The following PTPN1 variants were observed in gnomAD, a reference collection of about 807,000 sequenced individuals.
The protein encoded by PTPN1 is protein tyrosine phosphatase non-receptor type 1, also known as tyrosine-protein phosphatase non-receptor type 1.
In PTPN1, 12 loss-of-function variants were observed where a neutral mutation model predicts 59.9. The ratio of observed to expected loss-of-function variants is 0.20; its 90% CI spans 0.13 to 0.32. The LOEUF (loss-of-function observed/expected upper bound fraction) is 0.32. Ranked by LOEUF, PTPN1 falls within the 10% of genes least tolerant of loss-of-function variation. The pLI, the probability that PTPN1 is intolerant of heterozygous loss-of-function variation, is 1.00. For missense variants in PTPN1, 356 were observed against 549.2 expected (o/e 0.65, Z 3.52); for synonymous variants, 178 against 203.6 (o/e 0.87, Z 1.07).
chr20:50,562,786 C>T (rs2082759186), intron 2 of PTPN1, among the ~76,000 whole-genome samples: 1 of 152,172 alleles, frequency 6.6e-6, no homozygotes. Context: ...TGGCCAGAAA[C>T]CTCCAGACCG....
At chr20:50,574,365 T>A in intron 4 of PTPN1, 152 bp from the exon 5 acceptor site, 2 of 686,070 alleles carry the variant, frequency 2.9e-6, no homozygotes, top group Non-Finnish European at 4.5e-6. Context: ...CATCTCCCCA[T>A]GAGGCAGGCA....
chr20:50,547,412 A>G (rs556972307), intron 1 of PTPN1, among the ~76,000 whole-genome samples: 1 of 151,780 alleles, frequency 6.6e-6, no homozygotes, highest in Admixed American at 6.6e-5. Context: ...CACCCAGGCT[A>G]GAGTGCAATG....
In PTPN1 at chr20:50,546,673, C is replaced by CA. The variant is rs142502407; in HGVS notation, c.64-14689dup. ...TTTGATGTTCTATTTTCCTCCCATT[C>CA]ACACTCCAAATTGTGCACCAAAGTA... On this transcript the variant is annotated intron_variant, in intron 1 of 9. Coordinates refer to ENST00000371621, the MANE Select transcript of PTPN1 (RefSeq NM_002827.4). 9.6e-3 allele frequency among the ~76,000 whole-genome samples: 1,463 copies of CA among 152,336 alleles called. 28 individuals carry two copies. Among genetic ancestry groups the CA allele is most frequent in the African/African-American group, 0.033 (1,359 of 41,558 alleles).
At chr20:50,579,417 C>A in intron 7 of PTPN1, 88 bp downstream of exon 7, 2 of 1,419,844 alleles carry the variant, frequency 1.4e-6, no homozygotes, top group Non-Finnish European at 1.9e-6. Context: ...AGTTCAAACA[C>A]CGTCTGGTGT....
intron 1 of PTPN1, among the ~76,000 whole-genome samples, chr20:50,520,516 A>G (rs940028139): frequency 6.6e-6 from 1 of 152,188 alleles, no homozygotes; most frequent in Non-Finnish European, 1.5e-5. Flanking sequence ...GAGGATTTGT[A>G]AAAGATTATG....
Position 50,531,469 on chromosome 20 carries a change from C to T in PTPN1, c.63+20879C>T, listed in dbSNP as rs957926200. Reference sequence around the variant, plus strand: ...TCAGCTCACTGCAACCTCCGCCTCCCGAGTTCAAGCTATTCTCCTGCCTCA... The same window carrying T: ...TCAGCTCACTGCAACCTCCGCCTCCTGAGTTCAAGCTATTCTCCTGCCTCA... On this transcript the variant is annotated intron_variant, in intron 1 of 9. Transcript: ENST00000371621. 2.8e-4 allele frequency among the ~76,000 whole-genome samples: 42 copies of T among 152,180 alleles called. No homozygotes were observed. In the Middle Eastern group the frequency reaches 0.01, roughly 37 times the overall value.
At chr20:50,512,726 G>A (rs1274098726) in intron 1 of PTPN1, among the ~76,000 whole-genome samples, 1 of 152,126 alleles carries the variant, frequency 6.6e-6, no homozygotes, top group Non-Finnish European at 1.5e-5. Context: ...GTAGCTCTTT[G>A]TCATACAACT....
At chr20:50,570,074 G>A (rs1003404291) in intron 4 of PTPN1, among the ~76,000 whole-genome samples, 34 of 152,348 alleles carry the variant, frequency 2.2e-4, no homozygotes, top group African/African-American at 7.7e-4. Context: ...AGAAGAAGGT[G>A]AGGGCTCCAG....
intron 1 of PTPN1, among the ~76,000 whole-genome samples, chr20:50,514,802 T>C (rs2082521983): frequency 1.3e-5 from 2 of 152,154 alleles, no homozygotes; most frequent in South Asian, 4.1e-4. Flanking sequence ...TTCAGGAAAA[T>C]TGGAATTCTA....
intron 1 of PTPN1, among the ~76,000 whole-genome samples, chr20:50,527,311 G>A (rs544130356): frequency 6.6e-6 from 1 of 152,200 alleles, no homozygotes; most frequent in East Asian, 1.9e-4. Context: ...TATCTTCCAG[G>A]GAAGTGAGGC....
intron 1 of PTPN1, among the ~76,000 whole-genome samples, chr20:50,551,950 A>G (rs964287773): frequency 6.6e-6 from 1 of 152,206 alleles, no homozygotes; most frequent in African/African-American, 2.4e-5. Context: ...AATTTTACAC[A>G]TTCAGTAGAT....
intron 1 of PTPN1, among the ~76,000 whole-genome samples, 173 bp downstream of exon 1, chr20:50,510,763 G>A (rs1246202842): frequency 6.6e-6 from 1 of 151,648 alleles, no homozygotes; most frequent in Non-Finnish European, 1.5e-5. Flanking sequence ...TCCCCGGGGC[G>A]GGCGTGTTTC....
chr20:50,544,779 C>T (rs6096001), intron 1 of PTPN1, among the ~76,000 whole-genome samples: 4,316 of 152,054 alleles, frequency 0.028, 183 homozygotes, highest in African/African-American at 0.099. Flanking sequence ...CTGAGGTGGG[C>T]GGATCACCTG....
intron 1 of PTPN1, among the ~76,000 whole-genome samples, chr20:50,526,482 C>T (rs908660867): frequency 4.6e-5 from 7 of 152,134 alleles, no homozygotes; most frequent in Non-Finnish European, 7.3e-5. Flanking sequence ...TCACCCCTGG[C>T]CCATGTCAGT....
intron 3 of PTPN1, among the ~76,000 whole-genome samples, chr20:50,567,697 G>A (rs1226750987): frequency 6.6e-6 from 1 of 152,100 alleles, no homozygotes; most frequent in Non-Finnish European, 1.5e-5. Flanking sequence ...GTTCCCCTTG[G>A]GCCACCTCAT....
chr20:50,579,674 A>G (rs766798911), intron 7 of PTPN1, 29 bp from the exon 8 acceptor site: 1 of 1,588,326 alleles, frequency 6.3e-7, no homozygotes, highest in Non-Finnish European at 8.6e-7. Context: ...GTGAACACTA[A>G]TAGGACTTCC....
rs1170740356 is a variant in PTPN1 at position 50,582,815 on chromosome 20, C to T, written c.*100C>T. 6.8e-7 allele frequency: 1 copy of T among 1,467,610 alleles called. No individual in the cohort carries two copies. Among genetic ancestry groups the T allele is most frequent in the Non-Finnish European group, 9.4e-7 (1 of 1,061,616 alleles). 90.9% of individuals were successfully genotyped at this position (1,467,610 alleles called of 1,614,324 possible). ...GCCGCGGTAGGTAAGGGCCGCCGGA[C>T]CGCGTAGAGAGCCGGGCCCCGGACG... On this transcript the variant is annotated 3_prime_UTR_variant, in exon 10 of 10. Transcript: ENST00000371621. The surrounding 1 kb of genome is among the most constrained non-coding windows in gnomAD (Gnocchi z 4.2).
intron 1 of PTPN1, among the ~76,000 whole-genome samples, chr20:50,553,964 C>T (rs1333859840): frequency 6.6e-6 from 1 of 152,072 alleles, no homozygotes; most frequent in Non-Finnish European, 1.5e-5. Context: ...GGGGGTGCCT[C>T]AGTGACATAT....
Position 50,584,576 on chromosome 20 carries a change from T to C in PTPN1, c.*1861T>C, listed in dbSNP as rs2122815248. On this transcript the variant is annotated 3_prime_UTR_variant, in exon 10 of 10. Transcript: ENST00000371621. The stretch of plus-strand genomic sequence containing the variant: ...AATAAAAACAAAAAAAGCAAGGTGT[T>C]TTGGTATAATACCTTTTCAGGTGTG... 1 of 151,966 alleles carries C rather than the reference T, an allele frequency of 6.6e-6. No individual in the cohort carries two copies. Among genetic ancestry groups the C allele is most frequent in the African/African-American group, 2.4e-5 (1 of 41,260 alleles). The allele number at this position is 151,966 out of a possible 1,614,324, so 9.4% of individuals were successfully genotyped here.
Sources: allele counts gnomAD v4.1 joint callset (sites outside exome capture counted in the v4.1 genomes callset), GRCh38; gene constraint gnomAD v4.1.1; non-coding constraint Gnocchi (gnomAD v3.1); transcripts MANE v1.5; gene names NCBI Gene and HGNC (gene_info 2026-07-23, HGNC 2026-07-21).